The following PTPN13 variants were observed in gnomAD, a reference collection of about 807,000 sequenced individuals.
PTPN13 encodes protein tyrosine phosphatase non-receptor type 13, also known as tyrosine-protein phosphatase non-receptor type 13.
PTPN13 carries 191 observed loss-of-function variants against 284.0 expected under a neutral mutation model. That is an observed-to-expected ratio of 0.67 (90% CI 0.60 to 0.76). The LOEUF is 0.76. Among genes scored for constraint, PTPN13 ranks in the 30% least tolerant of loss-of-function variants. The pLI is 0.00. For missense variants in PTPN13, 2,797 were observed against 2,939.9 expected (o/e 0.95, Z 1.12); for synonymous variants, 986 against 1,022.3 (o/e 0.96, Z 0.68).
intron 7 of PTPN13, among the ~76,000 whole-genome samples, chr4:86,708,784 C>T (rs13150561): frequency 0.05 from 7,536 of 152,208 alleles, 205 homozygotes; most frequent in Non-Finnish European, 0.058. Flanking sequence ...TGCTATCAGC[C>T]ATTTACCAAT....
At chr4:86,617,953 G>T (rs912438632) in intron 1 of PTPN13, among the ~76,000 whole-genome samples, 9 of 151,840 alleles carry the variant, frequency 5.9e-5, no homozygotes, top group East Asian at 1.9e-4. Flanking sequence ...GTCAATTTTG[G>T]CTTTTGTTGC....
intron 10 of PTPN13, among the ~76,000 whole-genome samples, chr4:86,729,602 G>A (rs1368329282): frequency 6.7e-6 from 1 of 149,506 alleles, no homozygotes; most frequent in African/African-American, 2.4e-5. Context: ...TCTTCAATCA[G>A]TGATACCCTT....
chr4:86,803,796 A>G lies in PTPN13; in HGVS notation c.6593A>G (p.Lys2198Arg), dbSNP rs1744340106. The change falls in exon 43 of 48, where the codon AAA becomes AGA. Residue 2198 changes from lysine (K) to arginine (R), a missense_variant. Lys to Arg is a conservative substitution (Grantham distance 26). Transcript: ENST00000411767. ...PSGKYTGANL[K>R]SVIRVLRGLL... ...GGTAAATACACGGGTGCCAACTTAA[A>G]ATCAGTCATTCGAGTCCTGCGGGGT... 1 of 1,613,820 alleles carries G rather than the reference A, an allele frequency of 6.2e-7. No homozygotes were observed. The highest frequency in any genetic ancestry group is 1.7e-5 in the Admixed American group (1 of 59,994).
intron 2 of PTPN13, among the ~76,000 whole-genome samples, chr4:86,658,096 G>A (rs1344242401): frequency 6.6e-6 from 1 of 152,224 alleles, no homozygotes; most frequent in African/African-American, 2.4e-5. Context: ...AGCTGGTGGG[G>A]AAGCCCCACT....
Position 86,691,790 on chromosome 4 carries a change from G to A in PTPN13, c.547-1797G>A, listed in dbSNP as rs557453883. The stretch of plus-strand genomic sequence containing the variant: ...CCCCAGTATATTCCTTAAAGCTTTT[G>A]TTGCCTCCAGTAGCTGACAGAATGA... On this transcript the variant is annotated intron_variant, in intron 5 of 47. Transcript: ENST00000411767. Among the ~76,000 whole-genome samples, 8 of 152,226 alleles carry A rather than the reference G, an allele frequency of 5.3e-5. No homozygotes were observed. The South Asian group carries it at 6.2e-4, about 12-fold the overall frequency.
At chr4:86,707,717 ATTGAG>A (rs1441433641) in intron 7 of PTPN13, among the ~76,000 whole-genome samples, 2 of 152,118 alleles carry the variant, frequency 1.3e-5, no homozygotes, top group African/African-American at 4.8e-5. Context: ...GAAAAAAATG[ATTGAG>A]TTATTATTTA....
intron 1 of PTPN13, chr4:86,595,721 G>A (rs1763630410): frequency 3.0e-6 from 3 of 985,548 alleles, no homozygotes; most frequent in Non-Finnish European, 3.6e-6. Flanking sequence ...GGGGCAATCG[G>A]GTTTGTTTTC....
chr4:86,656,394 T>C (rs1725812874), intron 2 of PTPN13, among the ~76,000 whole-genome samples: 1 of 152,222 alleles, frequency 6.6e-6, no homozygotes, highest in Non-Finnish European at 1.5e-5. Context: ...TGGTCTTTGA[T>C]GATGGTGACG....
intron 42 of PTPN13, among the ~76,000 whole-genome samples, chr4:86,802,146 A>AGTGTGT (rs55759778): frequency 3.4e-3 from 465 of 135,192 alleles, no homozygotes; most frequent in African/African-American, 8.3e-3. Flanking sequence ...TCAAGATTTT[A>AGTGTGT]GTGTGTGTGT....
chr4:86,799,532 G>T (rs1165928750), intron 42 of PTPN13, among the ~76,000 whole-genome samples: 2 of 151,816 alleles, frequency 1.3e-5, no homozygotes, highest in African/African-American at 4.8e-5. Flanking sequence ...GTTTCACCAT[G>T]TTGGCCAGGC....
chr4:86,609,768 A>G (rs1483228578), intron 1 of PTPN13, among the ~76,000 whole-genome samples: 1 of 152,130 alleles, frequency 6.6e-6, no homozygotes, highest in African/African-American at 2.4e-5. Context: ...ATGTCTTAGC[A>G]GTACTAATTT....
chr4:86,792,757 C>T (rs548535007), intron 40 of PTPN13, among the ~76,000 whole-genome samples: 1 of 152,306 alleles, frequency 6.6e-6, no homozygotes, highest in African/African-American at 2.4e-5. Context: ...TCCAGCCAAA[C>T]TAAGCTTCAT....
intron 3 of PTPN13, among the ~76,000 whole-genome samples, chr4:86,685,404 T>A (rs1729341329): frequency 6.6e-6 from 1 of 151,738 alleles, no homozygotes; most frequent in Admixed American, 6.6e-5. Context: ...AGGTCAGGAG[T>A]TCGAGAACAG....
intron 7 of PTPN13, among the ~76,000 whole-genome samples, chr4:86,702,975 GTTAC>G (rs1386775352): frequency 6.6e-6 from 1 of 151,994 alleles, no homozygotes; most frequent in African/African-American, 2.4e-5. Flanking sequence ...CTGTTGTCCT[GTTAC>G]TTAAGTTTCA....
At position 86,758,956 on chromosome 4, in the gene PTPN13, T is replaced by C; in HGVS notation, c.3436T>C (p.Ser1146Pro). 3 of 1,613,428 alleles carry C rather than the reference T, an allele frequency of 1.9e-6. No homozygotes were observed. Among genetic ancestry groups the C allele is most frequent in the South Asian group, 1.1e-5 (1 of 90,930 alleles). The change falls in exon 23 of 48, where the codon TCT (serine) becomes CCT (proline). Residue 1146 changes from serine to proline, a missense_variant. By Grantham distance (74) the Ser-to-Pro change is moderately conservative. Transcript: ENST00000411767. ...TATTTGTACAGGAGACCGTTTGATATCTGTGAATAGTGTGAGTCTGGAGGG... is the reference window on the plus strand; with the variant it reads ...TATTTGTACAGGAGACCGTTTGATACCTGTGAATAGTGTGAGTCTGGAGGG... ...GCLKPGDRLI[S>P]VNSVSLEGVS...
chr4:86,795,933 A>C (rs1408156250), intron 40 of PTPN13, among the ~76,000 whole-genome samples: 1 of 152,140 alleles, frequency 6.6e-6, no homozygotes, highest in African/African-American at 2.4e-5. Flanking sequence ...AGAAATACCT[A>C]ATGTAAATGA....
At chr4:86,785,543 GTAAGTGGGTTACC>G (rs538212958) in intron 39 of PTPN13, among the ~76,000 whole-genome samples, 175 bp downstream of exon 39, 88 of 151,898 alleles carry the variant, frequency 5.8e-4, no homozygotes, top group Middle Eastern at 6.8e-3. Context: ...TTCCATATTT[GTAAGTGGGTTACC>G]TTATTAGTGA....
rs751046729 is a variant in PTPN13 at position 86,770,225 on chromosome 4, A to G, written c.4803+26A>G. ...GTGAGACTTATGAAAAGTAATTTAC[A>G]GTTTTATAGAATATCAACTTAGCAA... On this transcript the variant is annotated intron_variant, in intron 30 of 47. Coordinates refer to ENST00000411767, the MANE Select transcript of PTPN13 (RefSeq NM_080683.3). The G allele has an allele frequency of 1.0e-5, 16 of 1,570,940 alleles. No individual in the cohort carries two copies. In the Admixed American group the frequency reaches 1.2e-4, roughly 12 times the overall value.
At chr4:86,794,102 A>G (rs1743019550) in intron 40 of PTPN13, among the ~76,000 whole-genome samples, 1 of 151,776 alleles carries the variant, frequency 6.6e-6, no homozygotes, top group South Asian at 2.1e-4. Context: ...CTGCTAGCAA[A>G]AAGTCAAATT....
Sources: allele counts gnomAD v4.1 joint callset (sites outside exome capture counted in the v4.1 genomes callset), GRCh38; gene constraint gnomAD v4.1.1; transcripts MANE v1.5; gene names NCBI Gene and HGNC (gene_info 2026-07-23, HGNC 2026-07-21).